Variants in EML6 observed in about 807,000 individuals in gnomAD.
The protein encoded by EML6 is echinoderm microtubule-associated protein-like 6.
A neutral mutation model predicts 240.1 loss-of-function variants in EML6; 154 were observed. That is an observed-to-expected ratio of 0.64 (90% CI 0.56 to 0.73). The LOEUF (loss-of-function observed/expected upper bound fraction) is 0.73. Among genes scored for constraint, EML6 ranks in the 30% least tolerant of loss-of-function variants. EML6 has a pLI of 0.00. For synonymous variants in EML6, 1,148 were observed against 899.0 expected (o/e 1.28, Z -4.95); for missense variants, 2,964 against 2,474.6 (o/e 1.20, Z -4.20).
intron 5 of EML6, among the ~76,000 whole-genome samples, chr2:54,825,621 A>C (rs970901963): frequency 2.0e-5 from 3 of 151,574 alleles, no homozygotes; most frequent in African/African-American, 7.3e-5. Context: ...CAAAGAAATG[A>C]GTTACCAGAG....
At chr2:54,844,804 T>G (rs1206598876) in intron 8 of EML6, among the ~76,000 whole-genome samples, 1 of 152,214 alleles carries the variant, frequency 6.6e-6, no homozygotes, top group African/African-American at 2.4e-5. Context: ...TGTGGATCAT[T>G]TTTATTCTTT....
At chr2:54,931,668 C>G (rs1674872434) in intron 28 of EML6, among the ~76,000 whole-genome samples, 1 of 152,160 alleles carries the variant, frequency 6.6e-6, no homozygotes, top group Admixed American at 6.5e-5. Flanking sequence ...TACCTGGGTG[C>G]TTTTTCTAAA....
At chr2:54,872,625 C>G (rs1037027304) in intron 16 of EML6, among the ~76,000 whole-genome samples, 6 of 152,308 alleles carry the variant, frequency 3.9e-5, no homozygotes, top group African/African-American at 1.4e-4. Context: ...TTGGGACATC[C>G]ATGGCCTTCC....
At chr2:54,931,240 A>T (rs916875820) in intron 28 of EML6, among the ~76,000 whole-genome samples, 6 of 151,922 alleles carry the variant, frequency 3.9e-5, no homozygotes, top group African/African-American at 1.5e-4. Context: ...TACAGGCGTG[A>T]GCCACCGCGC....
intron 28 of EML6, among the ~76,000 whole-genome samples, chr2:54,931,009 G>A (rs1460382997): frequency 6.9e-6 from 1 of 144,064 alleles, no homozygotes; most frequent in Non-Finnish European, 1.5e-5. Flanking sequence ...CCAGGCTGGA[G>A]TGCAGTGGCG....
At chr2:54,846,998 C>A (rs1188092210) in intron 8 of EML6, among the ~76,000 whole-genome samples, 1 of 146,996 alleles carries the variant, frequency 6.8e-6, no homozygotes, top group Non-Finnish European at 1.5e-5. Flanking sequence ...GCCTTGAACT[C>A]CTGGGCTTAA....
At chr2:54,783,458 A>T (rs1324075303) in intron 2 of EML6, among the ~76,000 whole-genome samples, 2 of 152,212 alleles carry the variant, frequency 1.3e-5, no homozygotes, top group African/African-American at 2.4e-5. Context: ...ACAGCCTTTA[A>T]AAGTTCTTTT....
At chr2:54,885,785 G>C (rs549834039) in intron 17 of EML6, among the ~76,000 whole-genome samples, 7 of 152,034 alleles carry the variant, frequency 4.6e-5, no homozygotes, top group Admixed American at 1.3e-4. Context: ...CTAATTTTTT[G>C]TATTTTTAGT....
intron 2 of EML6, among the ~76,000 whole-genome samples, chr2:54,798,155 G>A (rs933373970): frequency 1.3e-5 from 2 of 151,992 alleles, no homozygotes; most frequent in African/African-American, 4.8e-5. Flanking sequence ...ATTTTTCTAT[G>A]TAGTATTTTA....
At chr2:54,737,666 C>G (rs1683456556) in intron 2 of EML6, among the ~76,000 whole-genome samples, 3 of 152,186 alleles carry the variant, frequency 2.0e-5, no homozygotes, top group Non-Finnish European at 4.4e-5. Context: ...CCTTGCCTTT[C>G]CCTTCTATTC....
Position 54,968,680 on chromosome 2 carries a change from C to A in EML6, c.5764C>A (p.Arg1922=). 6.5e-7 allele frequency: 1 copy of A among 1,549,850 alleles called. No homozygotes were observed. Among genetic ancestry groups the A allele is most frequent in the Non-Finnish European group, 8.7e-7 (1 of 1,145,334 alleles). ...CTTTTGCTCACAGGCCAAACATAAG[C>A]GATACTTCGGTCACTCGGCTCACGT... is the stretch of plus-strand genomic sequence containing the variant. ...PCTEKFAKHK[R]YFGHSAHVTN... Residue 1922 remains arginine (R), a synonymous_variant, in exon 41 of 42, where the codon CGA becomes AGA. Transcript: ENST00000356458.
At position 54,725,114 on chromosome 2, in the gene EML6, G is replaced by T; in HGVS notation, c.53G>T (p.Gly18Val). 1 of 1,540,178 alleles carries T rather than the reference G, an allele frequency of 6.5e-7. No homozygotes were observed. Among genetic ancestry groups the T allele is most frequent in the Non-Finnish European group, 8.8e-7 (1 of 1,142,044 alleles). ...CAGCTCCGGCTGGAGTGGGTGTACGGGTACCGGGGTCACCAGTGCCGCAAC... is the reference window on the plus strand; with the variant it reads ...CAGCTCCGGCTGGAGTGGGTGTACGTGTACCGGGGTCACCAGTGCCGCAAC... The part of the protein sequence containing the change: ...RCQLRLEWVY[G>V]YRGHQCRNNL... Residue 18 changes from glycine to valine, a missense_variant, in exon 2 of 42, where the codon GGG becomes GTG. Coordinates refer to ENST00000356458, the MANE Select transcript of EML6 (RefSeq NM_001039753.4). The surrounding 1 kb of genome is among the most constrained non-coding windows in gnomAD (Gnocchi z 4.3).
chr2:54,895,231 T>C (rs764463912), intron 20 of EML6, 42 bp from the exon 21 acceptor site: 1 of 1,547,812 alleles, frequency 6.5e-7, no homozygotes, highest in South Asian at 1.2e-5. Context: ...TAATAAGCAG[T>C]TGTTTTTGTT....
intron 2 of EML6, among the ~76,000 whole-genome samples, chr2:54,745,463 T>C (rs1242010161): frequency 1.3e-5 from 2 of 151,974 alleles, no homozygotes; most frequent in Non-Finnish European, 2.9e-5. Context: ...GTGAAATGCA[T>C]GTGAAATGAA....
At chr2:54,903,816 C>T (rs1489504528) in intron 24 of EML6, among the ~76,000 whole-genome samples, 1 of 152,186 alleles carries the variant, frequency 6.6e-6, no homozygotes, top group East Asian at 1.9e-4. Flanking sequence ...GGAGTGCTTT[C>T]TCCTTGTCTT....
intron 28 of EML6, among the ~76,000 whole-genome samples, chr2:54,937,589 A>AAGTT (rs1034753247): frequency 6.0e-5 from 9 of 150,408 alleles, no homozygotes; most frequent in African/African-American, 2.2e-4. Context: ...AAAAGTAGAA[A>AAGTT]AGTTAGTTTT....
intron 2 of EML6, among the ~76,000 whole-genome samples, chr2:54,798,683 T>G (rs1427614132): frequency 6.6e-6 from 1 of 152,210 alleles, no homozygotes; most frequent in African/African-American, 2.4e-5. Flanking sequence ...TTGATTAGGA[T>G]AATAGGATTT....
Position 54,899,662 on chromosome 2 carries a change from T to C in EML6, c.3004T>C (p.Trp1002Arg). ...LVQGHMEGEV[W>R]GLAAHPLLPI... ...ACAGGGGCACATGGAAGGAGAAGTGTGGGGGTTGGCAGCTCACCCTCTCCT... is the reference window on the plus strand; with the variant it reads ...ACAGGGGCACATGGAAGGAGAAGTGCGGGGGTTGGCAGCTCACCCTCTCCT... The change falls in exon 22 of 42, where the codon TGG becomes CGG. Residue 1002 changes from tryptophan (W) to arginine (R), a missense_variant. Transcript: ENST00000356458. 6.4e-7 allele frequency: 1 copy of C among 1,553,678 alleles called. No individual in the cohort carries two copies. Among genetic ancestry groups the C allele is most frequent in the Non-Finnish European group, 8.7e-7 (1 of 1,148,116 alleles).
chr2:54,793,437 C>T (rs1158879509), intron 2 of EML6, among the ~76,000 whole-genome samples: 1 of 132,174 alleles, frequency 7.6e-6, no homozygotes, highest in Non-Finnish European at 1.5e-5. Context: ...TTTTGACAAT[C>T]CCTGTTTCTA....
Sources: allele counts gnomAD v4.1 joint callset (sites outside exome capture counted in the v4.1 genomes callset), GRCh38; gene constraint gnomAD v4.1.1; non-coding constraint Gnocchi (gnomAD v3.1); transcripts MANE v1.5; gene names NCBI Gene and HGNC (gene_info 2026-07-23, HGNC 2026-07-21).